DYM: variants seen among roughly 807,000 people sequenced by gnomAD.
DYM encodes dymeclin.
Under a neutral mutation model 93.1 loss-of-function variants are expected in DYM, and 78 were observed. The ratio of observed to expected loss-of-function variants is 0.84; its 90% CI spans 0.70 to 1.01. The LOEUF (loss-of-function observed/expected upper bound fraction) is 1.01, where lower values mean the gene tolerates loss of function less well. DYM is among the 50% of genes least tolerant of loss of function. The pLI is 0.00. For missense variants in DYM, 789 were observed against 845.0 expected (o/e 0.93, Z 0.82); for synonymous variants, 321 against 319.7 (o/e 1.00, Z -0.04).
intron 6 of DYM, among the ~76,000 whole-genome samples, chr18:49,356,569 C>T (rs1870180466): frequency 6.6e-6 from 1 of 152,188 alleles, no homozygotes; most frequent in African/African-American, 2.4e-5. Context: ...AGTATTTTAG[C>T]ATCAACATGC....
intron 17 of DYM, among the ~76,000 whole-genome samples, chr18:49,060,674 GAA>G (rs1356168483): frequency 2.8e-5 from 2 of 72,218 alleles, no homozygotes; most frequent in African/African-American, 5.5e-5. Flanking sequence ...GAGGAGAGGG[GAA>G]GGGAGGGGGG....
chr18:49,102,224 T>A (rs1468557007), intron 16 of DYM, among the ~76,000 whole-genome samples: 2 of 152,198 alleles, frequency 1.3e-5, no homozygotes, highest in African/African-American at 2.4e-5. Context: ...GCAAAGCACT[T>A]TGCGCTGTGC....
rs2143945980 is a variant in DYM, at chr18:49,037,999, A to AT, written c.*6055dup. Among the ~76,000 whole-genome samples the AT allele has an allele frequency of 6.6e-6, 1 of 152,052 alleles. No individual in the cohort carries two copies. The highest frequency in any genetic ancestry group is 6.5e-5 in the Admixed American group (1 of 15,286). ...GCCACCATGCCCAGTTAATTTTTTT[A>AT]TTTTTTGTAAAGGTGGGGCCTCATT... On this transcript the variant is annotated 3_prime_UTR_variant, in exon 18 of 18. Coordinates refer to ENST00000675505, the MANE Select transcript of DYM (RefSeq NM_001353214.3).
rs550204225 is a variant in DYM, at chr18:49,259,147, T to C, written c.1252-654A>G. The stretch of plus-strand genomic sequence containing the variant: ...AGGAAGAGACTGCTGGGCTGATTCT[T>C]GCCCTCTCTCTTAAGAAGAGGCACA... On this transcript the variant is annotated intron_variant, in intron 11 of 17. Coordinates refer to ENST00000675505, the MANE Select transcript of DYM (RefSeq NM_001353214.3). Among the ~76,000 whole-genome samples, 101 of 152,282 alleles carry C rather than the reference T, an allele frequency of 6.6e-4. 2 individuals carry two copies. Among genetic ancestry groups the C allele is most frequent in the African/African-American group, 2.4e-3 (100 of 41,550 alleles).
At chr18:49,231,421 C>G (rs1338448111) in intron 13 of DYM, among the ~76,000 whole-genome samples, 1 of 152,158 alleles carries the variant, frequency 6.6e-6, no homozygotes, top group Admixed American at 6.5e-5. Context: ...TAAAAGGTAT[C>G]AGAATCACAG....
At chr18:49,371,792 T>C (rs2067068634) in intron 5 of DYM, among the ~76,000 whole-genome samples, 1 of 152,224 alleles carries the variant, frequency 6.6e-6, no homozygotes, top group African/African-American at 2.4e-5. Flanking sequence ...GCTATCCTCA[T>C]ATAATAATAC....
intron 8 of DYM, among the ~76,000 whole-genome samples, chr18:49,312,395 T>C (rs901276156): frequency 6.6e-6 from 1 of 152,130 alleles, no homozygotes; most frequent in African/African-American, 2.4e-5. Flanking sequence ...TCCTAATTGG[T>C]TTTCTACACT....
intron 14 of DYM, among the ~76,000 whole-genome samples, chr18:49,188,539 G>C (rs1000545908): frequency 9.2e-5 from 14 of 152,122 alleles, no homozygotes; most frequent in Admixed American, 7.9e-4. Context: ...GTCCTTTGTA[G>C]GGACATGGAT....
intron 13 of DYM, among the ~76,000 whole-genome samples, chr18:49,248,215 T>C (rs988244378): frequency 1.3e-5 from 2 of 152,234 alleles, no homozygotes; most frequent in African/African-American, 4.8e-5. Flanking sequence ...CTATGTTCAG[T>C]GAGATCTTCA....
intron 13 of DYM, among the ~76,000 whole-genome samples, chr18:49,226,895 T>C (rs780539120): frequency 2.8e-4 from 42 of 152,070 alleles, no homozygotes; most frequent in Non-Finnish European, 5.1e-4. Context: ...ATCAAAGACA[T>C]ATAATTCAGC....
At chr18:49,174,559 A>G (rs575918291) in intron 14 of DYM, among the ~76,000 whole-genome samples, 2 of 152,192 alleles carry the variant, frequency 1.3e-5, no homozygotes, top group African/African-American at 4.8e-5. Flanking sequence ...CTCACCCCCT[A>G]CTTTCAGAAA....
At chr18:49,048,260 G>A (rs2071900252) in intron 17 of DYM, 1 of 152,218 alleles carries the variant, frequency 6.6e-6, no homozygotes, top group Admixed American at 6.5e-5. Context: ...ACTCATCCAT[G>A]ATAATGGAGA....
At chr18:49,057,163 T>C (rs1466314656) in intron 17 of DYM, among the ~76,000 whole-genome samples, 1 of 151,030 alleles carries the variant, frequency 6.6e-6, no homozygotes. Context: ...TGATCTGAAC[T>C]TTTTTTTTGG....
intron 2 of DYM, among the ~76,000 whole-genome samples, chr18:49,426,792 A>T (rs1182818900): frequency 1.5e-5 from 2 of 136,114 alleles, no homozygotes; most frequent in Admixed American, 7.6e-5. Context: ...TGTGTGTGTG[A>T]ATTTACCCTC....
chr18:49,426,850 T>C (rs2074347432), intron 2 of DYM, among the ~76,000 whole-genome samples: 1 of 151,792 alleles, frequency 6.6e-6, no homozygotes, highest in Non-Finnish European at 1.5e-5. Context: ...AAACGGGAAG[T>C]ATAGACTTCT....
chr18:49,270,188 A>G (rs576760561), intron 11 of DYM, among the ~76,000 whole-genome samples: 1 of 152,352 alleles, frequency 6.6e-6, no homozygotes, highest in African/African-American at 2.4e-5. Context: ...GCCTAAGGAC[A>G]CATTTCTCAC....
intron 13 of DYM, among the ~76,000 whole-genome samples, chr18:49,254,002 T>G (rs2094340369): frequency 6.6e-6 from 1 of 152,068 alleles, no homozygotes; most frequent in African/African-American, 2.4e-5. Context: ...TCCATGAAAC[T>G]GGTTATTTTC....
At chr18:49,379,915 GAAA>G (rs953663694) in intron 3 of DYM, among the ~76,000 whole-genome samples, 157 bp from the exon 4 acceptor site, 1 of 152,152 alleles carries the variant, frequency 6.6e-6, no homozygotes, top group Non-Finnish European at 1.5e-5. Flanking sequence ...AGCAATGAGA[GAAA>G]CTGCTGCTCT....
At chr18:49,363,681 G>C (rs1388395529) in intron 5 of DYM, among the ~76,000 whole-genome samples, 4 of 152,154 alleles carry the variant, frequency 2.6e-5, no homozygotes, top group Non-Finnish European at 4.4e-5. Flanking sequence ...TGATGGGAGG[G>C]CCTGAAGGTA....
Sources: gnomAD v4.1 joint callset for allele counts (sites outside exome capture counted in the v4.1 genomes callset) on GRCh38, gnomAD v4.1.1 for gene constraint, MANE v1.5 for transcripts, NCBI Gene and HGNC (gene_info 2026-07-23, HGNC 2026-07-21) for gene names.